DYM: variants seen among roughly 807,000 people sequenced by gnomAD.
DYM encodes the protein dyggve-Melchior-Clausen syndrome protein.
In DYM, 78 loss-of-function variants were observed where a neutral mutation model predicts 93.1. The observed-to-expected ratio is 0.84, with a 90% CI of 0.70 to 1.01. The LOEUF is 1.01. Among genes scored for constraint, DYM ranks in the 50% least tolerant of loss-of-function variants. The pLI, the probability that DYM is intolerant of heterozygous loss-of-function variation, is 0.00. For synonymous variants in DYM, 321 were observed against 319.7 expected (o/e 1.00, Z -0.04); for missense variants, 789 against 845.0 (o/e 0.93, Z 0.82).
chr18:49,181,858 G>C lies in DYM; in HGVS notation c.1626-18071C>G, dbSNP rs1410994700. 2.0e-5 allele frequency among the ~76,000 whole-genome samples: 3 copies of C among 151,886 alleles called. No homozygotes were observed. The East Asian group carries it at 5.8e-4, about 29-fold the overall frequency. ...TTTTATTTTATTTTGGGCTTAATTT[G>C]TTGTTCTTTTTCTAGTTTCTTAAGG... On this transcript the variant is annotated intron_variant, in intron 14 of 17. Coordinates refer to ENST00000675505, the MANE Select transcript of DYM (RefSeq NM_001353214.3).
intron 13 of DYM, among the ~76,000 whole-genome samples, chr18:49,232,306 CTTTTTTT>C: frequency 7.0e-6 from 1 of 142,116 alleles, no homozygotes; most frequent in East Asian, 2.0e-4. Flanking sequence ...TTGATTTTTT[CTTTTTTT>C]TTTTTCTTTT....
chr18:49,108,916 C>T (rs189368871), intron 16 of DYM, among the ~76,000 whole-genome samples: 170 of 152,242 alleles, frequency 1.1e-3, no homozygotes, highest in African/African-American at 3.7e-3. Context: ...ATGGTTGTTA[C>T]GTCTCCTTGG....
At chr18:49,388,624 C>T (rs977207930) in intron 3 of DYM, among the ~76,000 whole-genome samples, 2 of 145,898 alleles carry the variant, frequency 1.4e-5, no homozygotes, top group Non-Finnish European at 2.9e-5. Flanking sequence ...CTACAAACCT[C>T]AGGCGACAAA....
At chr18:49,289,660 G>C (rs565792545) in intron 8 of DYM, among the ~76,000 whole-genome samples, 2 of 146,670 alleles carry the variant, frequency 1.4e-5, no homozygotes, top group Non-Finnish European at 3.0e-5. Flanking sequence ...ACAGTAAGCT[G>C]TGACTGTGCC....
At chr18:49,288,257 C>T (rs908014103) in intron 8 of DYM, among the ~76,000 whole-genome samples, 50 of 152,248 alleles carry the variant, frequency 3.3e-4, no homozygotes, top group African/African-American at 9.1e-4. Flanking sequence ...ATATGGTCAA[C>T]ACCACCAACA....
intron 15 of DYM, among the ~76,000 whole-genome samples, chr18:49,127,920 G>T (rs537566239): frequency 6.6e-6 from 1 of 152,156 alleles, no homozygotes; most frequent in Non-Finnish European, 1.5e-5. Flanking sequence ...AGCAGTCACC[G>T]CACCACTGGT....
At chr18:49,124,890 C>T (rs2082671886) in intron 15 of DYM, among the ~76,000 whole-genome samples, 1 of 152,166 alleles carries the variant, frequency 6.6e-6, no homozygotes, top group Non-Finnish European at 1.5e-5. Context: ...AAATGAATAA[C>T]ATAATTCAGA....
chr18:49,170,943 A>G (rs4493133), intron 14 of DYM, among the ~76,000 whole-genome samples: 117,002 of 151,944 alleles, frequency 0.77, 45,197 homozygotes, highest in Non-Finnish European at 0.81. Flanking sequence ...GGAAATAATC[A>G]TCACTGTTAA....
intron 16 of DYM, among the ~76,000 whole-genome samples, chr18:49,108,994 C>G (rs538294503): frequency 9.2e-4 from 139 of 151,618 alleles, no homozygotes; most frequent in Middle Eastern, 3.4e-3. Context: ...GTGTTGAAGT[C>G]TACTTTGTCT....
chr18:49,417,472 C>A (rs2148288207), intron 2 of DYM, among the ~76,000 whole-genome samples: 1 of 152,200 alleles, frequency 6.6e-6, no homozygotes. Context: ...TTCACTGCTA[C>A]ATTATATGTA....
intron 13 of DYM, among the ~76,000 whole-genome samples, chr18:49,239,965 G>GT (rs1327026891): frequency 3.3e-5 from 5 of 152,112 alleles, no homozygotes; most frequent in Non-Finnish European, 4.4e-5. Context: ...CAGTAACATT[G>GT]TTTTTTTATG....
chr18:49,290,850 T>G (rs1945582511), intron 8 of DYM, among the ~76,000 whole-genome samples: 1 of 152,080 alleles, frequency 6.6e-6, no homozygotes, highest in Non-Finnish European at 1.5e-5. Context: ...ACTCTATTGC[T>G]TGACTCTTCT....
chr18:49,182,288 TC>T (rs1453621846), intron 14 of DYM, among the ~76,000 whole-genome samples: 2 of 152,096 alleles, frequency 1.3e-5, no homozygotes. Context: ...GTTGGAGTGT[TC>T]TATAAATGTC....
intron 8 of DYM, among the ~76,000 whole-genome samples, chr18:49,296,458 T>C (rs1393267590): frequency 6.6e-6 from 1 of 152,108 alleles, no homozygotes; most frequent in African/African-American, 2.4e-5. Context: ...GGATTAGACA[T>C]GATGTACCAA....
At chr18:49,122,092 A>G (rs111568144) in intron 15 of DYM, among the ~76,000 whole-genome samples, 1,671 of 152,294 alleles carry the variant, frequency 0.011, 27 homozygotes, top group African/African-American at 0.038. Context: ...ATATCATAAC[A>G]TTCTGCTGAT....
chr18:49,149,702 GT>G (rs35259913), intron 15 of DYM, among the ~76,000 whole-genome samples: 1,263 of 76,830 alleles, frequency 0.016, 5 homozygotes, highest in South Asian at 0.06. Flanking sequence ...ATTACAAAGT[GT>G]TTTTTTTTTT....
intron 8 of DYM, among the ~76,000 whole-genome samples, chr18:49,299,928 A>G (rs987136571): frequency 1.3e-5 from 2 of 151,196 alleles, no homozygotes; most frequent in Non-Finnish European, 3.0e-5. Flanking sequence ...CTGTAGTCCC[A>G]GCTACTCGGG....
At chr18:49,155,067 CTTTA>C (rs1397617479) in intron 15 of DYM, among the ~76,000 whole-genome samples, 2 of 152,168 alleles carry the variant, frequency 1.3e-5, no homozygotes, top group East Asian at 3.9e-4. Flanking sequence ...TGAATTTATA[CTTTA>C]TTTAATAAGT....
chr18:49,263,913 T>C (rs1247174026), intron 11 of DYM, among the ~76,000 whole-genome samples: 1 of 152,182 alleles, frequency 6.6e-6, no homozygotes, highest in Non-Finnish European at 1.5e-5. Flanking sequence ...AGTGCAGTCA[T>C]AGAAGACTTC....
Sources: gnomAD v4.1 joint callset for allele counts (sites outside exome capture counted in the v4.1 genomes callset) on GRCh38, gnomAD v4.1.1 for gene constraint, MANE v1.5 for transcripts, NCBI Gene and HGNC (gene_info 2026-07-23, HGNC 2026-07-21) for gene names.